WDR44: variants seen among roughly 807,000 people sequenced by gnomAD.
The protein encoded by WDR44 is WD repeat domain 44, also known as WD repeat-containing protein 44.
WDR44 carries 9 observed loss-of-function variants against 65.7 expected under a neutral mutation model. The observed-to-expected ratio is 0.14, with a 90% CI of 0.08 to 0.24. The LOEUF is 0.24. Among genes scored for constraint, WDR44 ranks in the 10% least tolerant of loss-of-function variants. The probability of loss-of-function intolerance (pLI) is 1.00; values close to 1 mark genes in which losing one functional copy is unlikely to be tolerated. For missense variants in WDR44, 425 were observed against 670.9 expected (o/e 0.63, Z 4.05); for synonymous variants, 220 against 235.2 (o/e 0.94, Z 0.59).
intron 1 of WDR44, among the ~76,000 whole-genome samples, chrX:118,372,596 A>T (rs181473553): frequency 4.7e-4 from 53 of 111,933 alleles, no homozygotes; most frequent in Non-Finnish European, 8.1e-4. Context: ...ATAAAAAAAA[A>T]AGTGCCACAA....
At chrX:118,377,306 G>A (rs2056669521) in intron 1 of WDR44, among the ~76,000 whole-genome samples, 1 of 110,774 alleles carries the variant, frequency 9.0e-6, no homozygotes, top group Non-Finnish European at 1.9e-5. Flanking sequence ...GCTGCAGTGA[G>A]CCAAGATCAC....
chrX:118,432,910 T>G lies in WDR44; in HGVS notation c.1851+16T>G, dbSNP rs2057224699. 1 of 1,147,532 alleles carries G rather than the reference T, an allele frequency of 8.7e-7. No individual in the cohort carries two copies. Among genetic ancestry groups the G allele is most frequent in the East Asian group, 3.0e-5 (1 of 33,532 alleles). 94.6% of individuals were successfully genotyped at this position (1,147,532 alleles called of 1,213,427 possible). A position where few individuals can be genotyped will look rare whatever the true frequency, so the allele number is the denominator to read the frequency against. On this transcript the variant is annotated intron_variant, in intron 13 of 19. Coordinates refer to ENST00000254029, the MANE Select transcript of WDR44 (RefSeq NM_019045.5). ...ATGGTCTAAAGTAAGAAATTCTTAT[T>G]TGAATCATATAGTAATTCTGCGTAT... is the stretch of plus-strand genomic sequence containing the variant.
intron 12 of WDR44, among the ~76,000 whole-genome samples, chrX:118,432,491 T>C (rs2057220437): frequency 8.9e-6 from 1 of 111,957 alleles, no homozygotes; most frequent in Non-Finnish European, 1.9e-5. Flanking sequence ...ATTCACTCGC[T>C]GGTACTGGCC....
chrX:118,442,470 A>T, intron 16 of WDR44, 95 bp from the exon 17 acceptor site: 1 of 940,992 alleles, frequency 1.1e-6, no homozygotes, highest in Non-Finnish European at 1.5e-6. Context: ...GTTTTGAGGT[A>T]TATTAGTTTG....
At position 118,449,178 on chromosome X, in the gene WDR44, A is replaced by G. The variant is rs2057371874; in HGVS notation, c.*191A>G. On this transcript the variant is annotated 3_prime_UTR_variant, in exon 20 of 20. Transcript: ENST00000254029. Reference sequence around the variant, plus strand: ...ATAGAGTAGAAAGGAATATGGCTAGAATAACATTGCCAAACATTAGGCTTT... The same window carrying G: ...ATAGAGTAGAAAGGAATATGGCTAGGATAACATTGCCAAACATTAGGCTTT... The G allele has an allele frequency of 3.5e-6, 1 of 289,601 alleles. No individual in the cohort carries two copies. The highest frequency in any genetic ancestry group is 6.2e-6 in the Non-Finnish European group (1 of 162,159). 23.9% of individuals were successfully genotyped at this position (289,601 alleles called of 1,213,427 possible). A position where few individuals can be genotyped will look rare whatever the true frequency, so the allele number is the denominator to read the frequency against.
At chrX:118,383,720 CTTTT>C (rs531607075) in intron 2 of WDR44, among the ~76,000 whole-genome samples, 2 of 84,470 alleles carry the variant, frequency 2.4e-5, no homozygotes, top group Admixed American at 1.4e-4. Context: ...TCCAAGTATT[CTTTT>C]TTTTTTTTTT....
intron 13 of WDR44, among the ~76,000 whole-genome samples, chrX:118,435,167 C>CA (rs1386950528): frequency 8.9e-6 from 1 of 112,683 alleles, no homozygotes; most frequent in Non-Finnish European, 1.9e-5. Flanking sequence ...AACATGTCTT[C>CA]AGCACCTTCA....
chrX:118,406,836 A>G (rs2056972009), intron 9 of WDR44, 39 bp from the exon 10 acceptor site: 1 of 1,132,443 alleles, frequency 8.8e-7, no homozygotes, highest in African/African-American at 1.8e-5. Flanking sequence ...AGCAATATCT[A>G]CATTAGCTAG....
chrX:118,424,321 G>GTATATATATATATATATATATATATATA (rs1430796503), intron 12 of WDR44, among the ~76,000 whole-genome samples: 1 of 63,468 alleles, frequency 1.6e-5, no homozygotes, highest in African/African-American at 1.5e-4. Flanking sequence ...ATGTGTGTGT[G>GTATATATATATATATATATATATATATA]TGTATATATA....
chrX:118,409,224 G>A (rs907175845), intron 10 of WDR44, among the ~76,000 whole-genome samples: 2 of 111,081 alleles, frequency 1.8e-5, no homozygotes, highest in African/African-American at 6.5e-5. Flanking sequence ...TCACCTCCCA[G>A]GTTCAAGTGA....
At chrX:118,407,697 A>C (rs971938903) in intron 10 of WDR44, among the ~76,000 whole-genome samples, 1 of 112,290 alleles carries the variant, frequency 8.9e-6, no homozygotes, top group Admixed American at 9.5e-5. Flanking sequence ...TATATGTTGT[A>C]AAGTGAGATA....
Position 118,449,101 on chromosome X carries a change from TATA to T in WDR44, c.*118_*120del. On this transcript the variant is annotated 3_prime_UTR_variant, in exon 20 of 20. Transcript: ENST00000254029. ...TAATTTTTATTGAAAGTTGTTCAAA[TATA>T]ATATATTTTTTGAGAGGCAGTGTTA... is the stretch of plus-strand genomic sequence containing the variant. 1 of 479,610 alleles carries T rather than the reference TATA, an allele frequency of 2.1e-6. No homozygotes were observed. Among genetic ancestry groups the T allele is most frequent in the Non-Finnish European group, 3.3e-6 (1 of 304,247 alleles). The allele number at this position is 479,610 out of a possible 1,213,427, so 39.5% of individuals were successfully genotyped here. A position where few individuals can be genotyped will look rare whatever the true frequency, so the allele number is the denominator to read the frequency against.
At chrX:118,401,725 T>C (rs200265109) in intron 8 of WDR44, among the ~76,000 whole-genome samples, 8,903 of 87,003 alleles carry the variant, frequency 0.1, 735 homozygotes, top group African/African-American at 0.25. Flanking sequence ...TTTTGGTGTT[T>C]TAGACATGAA....
chrX:118,393,035 C>T lies in WDR44; in HGVS notation c.590C>T (p.Ser197Phe). Residue 197 changes from serine to phenylalanine, a missense_variant, in exon 4 of 20, where the codon TCC becomes TTC. Physicochemically the swap from Ser to Phe is radical, Grantham distance 155 (BLOSUM62 -2). This residue lies in a region of WDR44 where 193 missense variants were observed against 209.0 expected (regional missense o/e 0.92). Coordinates refer to ENST00000254029, the MANE Select transcript of WDR44 (RefSeq NM_019045.5). ...GDVLEPVSSD[S>F]LSTKDFAAVE... ...GTTTTAGAGCCTGTGTCCTCAGACTCCTTATCTACTAAAGATTTTGCCGCT... is the reference window on the plus strand; with the variant it reads ...GTTTTAGAGCCTGTGTCCTCAGACTTCTTATCTACTAAAGATTTTGCCGCT... 3.3e-6 allele frequency: 4 copies of T among 1,211,751 alleles called. No individual in the cohort carries two copies.
At chrX:118,404,646 G>A (rs1008501225) in intron 9 of WDR44, among the ~76,000 whole-genome samples, 1 of 112,204 alleles carries the variant, frequency 8.9e-6, no homozygotes, top group Non-Finnish European at 1.9e-5. Flanking sequence ...TGTGACTTTT[G>A]ACAGTCTGAA....
chrX:118,377,127 A>T (rs1464496451), intron 1 of WDR44, among the ~76,000 whole-genome samples: 1 of 109,117 alleles, frequency 9.2e-6, no homozygotes, highest in Non-Finnish European at 1.9e-5. Context: ...AGAGACTGAA[A>T]TGGGAGGATT....
intron 9 of WDR44, among the ~76,000 whole-genome samples, chrX:118,404,695 G>A (rs902473559): frequency 4.5e-5 from 5 of 111,306 alleles, no homozygotes; most frequent in African/African-American, 6.5e-5. Context: ...AATTAGTTTC[G>A]TTTGTTTGTT....
At chrX:118,396,043 T>TA (rs34451959) in intron 6 of WDR44, among the ~76,000 whole-genome samples, 1 of 108,955 alleles carries the variant, frequency 9.2e-6, no homozygotes, top group African/African-American at 3.4e-5. Context: ...TTTAAAATAA[T>TA]ATAATAATAA....
At chrX:118,424,325 A>G (rs746292922) in intron 12 of WDR44, among the ~76,000 whole-genome samples, 931 of 62,356 alleles carry the variant, frequency 0.015, 6 homozygotes, top group Middle Eastern at 0.06. Context: ...GTGTGTGTGT[A>G]TATATATATA....
Sources: allele counts gnomAD v4.1 joint callset (sites outside exome capture counted in the v4.1 genomes callset), GRCh38; gene constraint gnomAD v4.1.1; regional missense constraint gnomAD v4.1.1; transcripts MANE v1.5; gene names NCBI Gene and HGNC (gene_info 2026-07-23, HGNC 2026-07-21).